IDE: variants seen among roughly 807,000 people sequenced by gnomAD.
The protein encoded by IDE is insulin-degrading enzyme.
A neutral mutation model predicts 133.2 loss-of-function variants in IDE; 58 were observed. The observed-to-expected ratio is 0.44, with a 90% CI of 0.35 to 0.54. IDE has a LOEUF of 0.54. Ranked by LOEUF, IDE falls within the 20% of genes least tolerant of loss-of-function variation. The probability of loss-of-function intolerance (pLI) is 0.00; values close to 1 mark genes in which losing one functional copy is unlikely to be tolerated. For missense variants in IDE, 981 were observed against 1,234.0 expected, an observed-to-expected ratio of 0.79 and a Z score of 3.07; for synonymous variants, 396 against 421.3, an observed-to-expected ratio of 0.94 and a Z score of 0.73.
chr10:92,559,928 G>T (rs1454780141), intron 1 of IDE, among the ~76,000 whole-genome samples: 1 of 151,696 alleles, frequency 6.6e-6, no homozygotes, highest in Non-Finnish European at 1.5e-5. Context: ...GTAGAGATAG[G>T]GTCCCACTAT....
At chr10:92,556,531 G>C (rs1375758396) in intron 1 of IDE, among the ~76,000 whole-genome samples, 1 of 152,126 alleles carries the variant, frequency 6.6e-6, no homozygotes, top group African/African-American at 2.4e-5. Context: ...GGCCAAGGCA[G>C]GTGATCACCT....
chr10:92,476,318 C>T (rs1051354132), intron 15 of IDE, among the ~76,000 whole-genome samples: 2 of 151,884 alleles, frequency 1.3e-5, no homozygotes, highest in Admixed American at 6.6e-5. Flanking sequence ...GGATTACAGA[C>T]GTGCCCCACT....
At chr10:92,537,275 G>T in intron 2 of IDE, 91 bp downstream of exon 2, 1 of 960,564 alleles carries the variant, frequency 1.0e-6, no homozygotes. Context: ...GGTAACTATT[G>T]AGTATTTAAA....
chr10:92,468,390 C>A lies in IDE; in HGVS notation c.2320+489G>T, dbSNP rs1172397209. On this transcript the variant is annotated intron_variant, in intron 19 of 24. Transcript: ENST00000265986. The stretch of plus-strand genomic sequence containing the variant: ...AAGCCACTGTTAATGTAAAAGTAAC[C>A]CAACATTGTAAACCCCAATATATAA... Among the ~76,000 whole-genome samples, 3 of 152,064 alleles carry A rather than the reference C, an allele frequency of 2.0e-5. No homozygotes were observed. The East Asian group carries it at 5.8e-4, about 29-fold the overall frequency.
chr10:92,517,501 G>A (rs150510695), intron 4 of IDE, among the ~76,000 whole-genome samples: 13 of 152,262 alleles, frequency 8.5e-5, no homozygotes, highest in Admixed American at 7.8e-4. Flanking sequence ...TCGATCTCCT[G>A]GGCTCAAGCA....
intron 17 of IDE, among the ~76,000 whole-genome samples, chr10:92,471,656 TCAC>T (rs1030595875): frequency 7.2e-5 from 11 of 152,180 alleles, no homozygotes; most frequent in African/African-American, 2.7e-4. Context: ...CATTTATGCT[TCAC>T]CACCAGACTG....
At chr10:92,519,642 A>C (rs1187829895) in intron 4 of IDE, among the ~76,000 whole-genome samples, 2 of 152,274 alleles carry the variant, frequency 1.3e-5, no homozygotes, top group East Asian at 1.9e-4. Flanking sequence ...GATAATATGG[A>C]TATATGTCCA....
At chr10:92,528,667 G>A (rs77515509) in intron 4 of IDE, among the ~76,000 whole-genome samples, 2,020 of 152,280 alleles carry the variant, frequency 0.013, 49 homozygotes, top group African/African-American at 0.045. Flanking sequence ...CATGAAAACC[G>A]ACTGTTAGGG....
rs948023518 is a variant in IDE, at chr10:92,452,064, T to C, written c.*2380A>G. The C allele has an allele frequency of 3.3e-5, 5 of 152,220 alleles. No homozygotes were observed. Among genetic ancestry groups the C allele is most frequent in the Middle Eastern group, 3.2e-3 (1 of 316 alleles). 9.4% of individuals were successfully genotyped at this position (152,220 alleles called of 1,614,324 possible). A position where few individuals can be genotyped will look rare whatever the true frequency, so the allele number is the denominator to read the frequency against. The stretch of plus-strand genomic sequence containing the variant: ...AGGTTGTGAAATTGAGTCTTCTATT[T>C]GACAAAAATCATTGTTACCCAGAAA... On this transcript the variant is annotated 3_prime_UTR_variant, in exon 25 of 25. Transcript: ENST00000265986.
chr10:92,473,079 A>T (rs1484328739), intron 17 of IDE, among the ~76,000 whole-genome samples: 1 of 151,130 alleles, frequency 6.6e-6, no homozygotes, highest in Non-Finnish European at 1.5e-5. Flanking sequence ...AGTAGCTGGG[A>T]CTACAGGCAC....
chr10:92,557,048 A>C (rs1843046338), intron 1 of IDE, among the ~76,000 whole-genome samples: 1 of 152,202 alleles, frequency 6.6e-6, no homozygotes, highest in Non-Finnish European at 1.5e-5. Context: ...GTAATCCCCA[A>C]ATAGATTAAA....
chr10:92,535,424 T>C (rs1841946408), intron 2 of IDE, among the ~76,000 whole-genome samples: 1 of 152,170 alleles, frequency 6.6e-6, no homozygotes. Context: ...TTTCTTGTCA[T>C]GATTTCATTG....
At chr10:92,537,842 T>G (rs768083268) in intron 1 of IDE, among the ~76,000 whole-genome samples, 1 of 152,096 alleles carries the variant, frequency 6.6e-6, no homozygotes, top group Non-Finnish European at 1.5e-5. Flanking sequence ...TATGCAGAAC[T>G]AGAATAGAGT....
intron 20 of IDE, among the ~76,000 whole-genome samples, chr10:92,465,428 C>T (rs1278804762): frequency 6.6e-6 from 1 of 152,172 alleles, no homozygotes; most frequent in Non-Finnish European, 1.5e-5. Context: ...TTTCCCCCAC[C>T]TAAAATGCCC....
chr10:92,546,339 T>C (rs1386867641), intron 1 of IDE, among the ~76,000 whole-genome samples: 1 of 152,188 alleles, frequency 6.6e-6, no homozygotes, highest in Non-Finnish European at 1.5e-5. Flanking sequence ...TAAAAATGCA[T>C]TAAGTTGAAC....
chr10:92,514,578 G>A (rs986613327), intron 5 of IDE, among the ~76,000 whole-genome samples: 3 of 151,958 alleles, frequency 2.0e-5, no homozygotes, highest in Non-Finnish European at 4.4e-5. Context: ...AGGACTACAG[G>A]TGCAGACTAC....
chr10:92,570,376 T>C (rs1843728674), intron 1 of IDE, among the ~76,000 whole-genome samples: 2 of 152,200 alleles, frequency 1.3e-5, no homozygotes. Flanking sequence ...TACATAGTAC[T>C]GGACACAGTG....
chr10:92,458,491 T>TG, intron 22 of IDE, among the ~76,000 whole-genome samples: 3 of 37,962 alleles, frequency 7.9e-5, no homozygotes, highest in Non-Finnish European at 1.0e-4. Flanking sequence ...ACTCTCTCTG[T>TG]TTTTTTTTTT....
At chr10:92,470,168 T>C in intron 18 of IDE, 86 bp downstream of exon 18, 1 of 891,100 alleles carries the variant, frequency 1.1e-6, no homozygotes, top group Non-Finnish European at 1.8e-6. Context: ...TATCACACCA[T>C]GCTGGTTAAC....
Sources: allele counts gnomAD v4.1 joint callset (sites outside exome capture counted in the v4.1 genomes callset), GRCh38; gene constraint gnomAD v4.1.1; transcripts MANE v1.5; gene names NCBI Gene and HGNC (gene_info 2026-07-23, HGNC 2026-07-21).